Variants in RIC3 observed in about 807,000 individuals in gnomAD.
The protein encoded by RIC3 is protein RIC-3.
Under a neutral mutation model 27.3 loss-of-function variants are expected in RIC3, and 28 were observed. The ratio of observed to expected loss-of-function variants is 1.02; its 90% CI spans 0.76 to 1.41. RIC3 has a LOEUF of 1.41. Among genes scored for constraint, RIC3 ranks in the 40% most tolerant of loss-of-function variants. The pLI is 0.00. For missense variants in RIC3, 501 were observed against 444.7 expected (o/e 1.13, Z -1.14); for synonymous variants, 184 against 160.4 (o/e 1.15, Z -1.11).
intron 5 of RIC3, among the ~76,000 whole-genome samples, chr11:8,125,855 A>G (rs1371140137): frequency 1.3e-5 from 2 of 152,146 alleles, no homozygotes; most frequent in Non-Finnish European, 2.9e-5. Context: ...CCTGGCCAAC[A>G]TGGTGAAACT....
At chr11:8,156,293 G>A (rs1463835879) in intron 1 of RIC3, among the ~76,000 whole-genome samples, 3 of 152,220 alleles carry the variant, frequency 2.0e-5, no homozygotes, top group Non-Finnish European at 4.4e-5. Flanking sequence ...GAAGTGGAAT[G>A]AGTGCCACCT....
At chr11:8,160,937 G>A (rs1382962475) in intron 1 of RIC3, among the ~76,000 whole-genome samples, 1 of 152,196 alleles carries the variant, frequency 6.6e-6, no homozygotes, top group Non-Finnish European at 1.5e-5. Flanking sequence ...AAAAGTATCT[G>A]GGACAGGCCT....
downstream of RIC3, chr11:8,104,717 T>C (rs1329738527): frequency 1.3e-5 from 2 of 152,154 alleles, no homozygotes; most frequent in African/African-American, 2.4e-5. Context: ...AACTGGTATG[T>C]TGCACGTATG....
Position 8,137,582 on chromosome 11 carries a change from T to C in RIC3, c.428-111A>G, listed in dbSNP as rs116754913. ...TACTGTCTAACTTCCCATTACTATC[T>C]CATTGAAGAACACCGCAGTTTTATT... On this transcript the variant is annotated intron_variant, in intron 3 of 5. Coordinates refer to ENST00000309737, the MANE Select transcript of RIC3 (RefSeq NM_001206671.4). 1,291 of 669,384 alleles carry C rather than the reference T, an allele frequency of 1.9e-3. 18 individuals are homozygous for C. In the African/African-American group the frequency reaches 0.02, roughly 10 times the overall value. The allele number at this position is 669,384 out of a possible 1,614,324, so 41.5% of individuals were successfully genotyped here.
At chr11:8,131,875 T>G (rs1329533371) in intron 4 of RIC3, among the ~76,000 whole-genome samples, 2 of 118,506 alleles carry the variant, frequency 1.7e-5, no homozygotes, top group Non-Finnish European at 3.2e-5. Context: ...CACTGCAGCC[T>G]GGGTGACAGA....
chr11:8,167,640 T>TAAAAA lies in RIC3; in HGVS notation c.124+1221_124+1225dup, dbSNP rs34530108. ...CAAGATAATTCACCATAATGGAAAGTAAAAAAAAAAAAAAAAAAGTTTTCG... is the reference window on the plus strand; with the variant it reads ...CAAGATAATTCACCATAATGGAAAGTAAAAAAAAAAAAAAAAAAAAAAAGTTTTCG... On this transcript the variant is annotated intron_variant, in intron 1 of 5. Transcript: ENST00000309737. Among the ~76,000 whole-genome samples the TAAAAA allele has an allele frequency of 1.3e-4, 17 of 134,126 alleles. 1 individual carries two copies. The South Asian group carries it at 3.9e-3, about 31-fold the overall frequency. 88.0% of individuals were successfully genotyped at this position (134,126 alleles called of 152,430 possible).
the RIC3 span, chr11:8,097,315 G>GC: frequency 1.9e-6 from 3 of 1,613,976 alleles, no homozygotes; most frequent in African/African-American, 1.3e-5. Context: ...ACTGAGGCCG[G>GC]CCCCCCAGGG....
chr11:8,105,648 C>T (rs926407191), downstream of RIC3: 1 of 152,044 alleles, frequency 6.6e-6, no homozygotes, highest in Non-Finnish European at 1.5e-5. Context: ...CAAAGCTTGC[C>T]GTAGGATTTG....
the RIC3 span, chr11:8,096,748 C>T: frequency 1.2e-6 from 2 of 1,614,124 alleles, no homozygotes; most frequent in Non-Finnish European, 1.7e-6. Context: ...AGCTCCAGCT[C>T]CTCCCAGCTA....
intron 5 of RIC3, among the ~76,000 whole-genome samples, chr11:8,123,809 C>G (rs989288940): frequency 4.0e-5 from 6 of 151,674 alleles, no homozygotes; most frequent in Admixed American, 2.0e-4. Context: ...GAGGCCAAGA[C>G]CAGAAGATTG....
At chr11:8,097,556 G>T in the RIC3 span, 48 of 1,377,418 alleles carry the variant, frequency 3.5e-5, no homozygotes, top group Non-Finnish European at 4.7e-5. Flanking sequence ...CTTCGTGTCT[G>T]GTCTGTGCAC....
rs912014405 is a variant in RIC3 at position 8,108,127 on chromosome 11, G to A, written c.*2571C>T. ...AACCAACCAAGAGCTAGGGCAGGAAGAACCACCATAAGGGCTTAGTACTTC... is the reference window on the plus strand; with the variant it reads ...AACCAACCAAGAGCTAGGGCAGGAAAAACCACCATAAGGGCTTAGTACTTC... On this transcript the variant is annotated 3_prime_UTR_variant, in exon 6 of 6. Coordinates refer to ENST00000309737, the MANE Select transcript of RIC3 (RefSeq NM_001206671.4). The A allele has an allele frequency of 1.3e-5, 2 of 152,212 alleles. 1 individual carries two copies. The highest frequency in any genetic ancestry group is 1.3e-4 in the Admixed American group (2 of 15,278). The allele number at this position is 152,212 out of a possible 1,614,324, so 9.4% of individuals were successfully genotyped here.
At chr11:8,130,045 C>T (rs1947499238) in intron 4 of RIC3, among the ~76,000 whole-genome samples, 1 of 152,340 alleles carries the variant, frequency 6.6e-6, no homozygotes, top group South Asian at 2.1e-4. Flanking sequence ...TCCAGTTTGG[C>T]TGTAAATCTC....
chr11:8,126,935 T>C (rs182366797), intron 4 of RIC3, 128 bp from the exon 5 acceptor site: 7 of 1,075,694 alleles, frequency 6.5e-6, no homozygotes, highest in South Asian at 2.7e-5. Flanking sequence ...ATTCTAGGAA[T>C]TGATCCTCCA....
chr11:8,126,937 G>T, intron 4 of RIC3, 130 bp from the exon 5 acceptor site: 1 of 1,062,452 alleles, frequency 9.4e-7, no homozygotes, highest in Non-Finnish European at 1.4e-6. Flanking sequence ...TCTAGGAATT[G>T]ATCCTCCAAC....
chr11:8,095,618 G>A, the RIC3 span: 4 of 1,611,494 alleles, frequency 2.5e-6, no homozygotes, highest in African/African-American at 1.3e-5. Context: ...GCTGGTGGGG[G>A]CGAACGGCCC....
At chr11:8,115,178 G>A (rs866787692) in intron 5 of RIC3, among the ~76,000 whole-genome samples, 2 of 152,060 alleles carry the variant, frequency 1.3e-5, no homozygotes, top group Admixed American at 6.6e-5. Context: ...AGACAGAGAG[G>A]ATGCTGGAAG....
the RIC3 span, chr11:8,095,662 A>G: frequency 6.3e-7 from 1 of 1,596,946 alleles, no homozygotes; most frequent in Non-Finnish European, 8.5e-7. Context: ...GATGCAGAGG[A>G]AGGGTGAGCC....
rs1944959747 is a variant in RIC3 at position 8,108,971 on chromosome 11, T to G, written c.*1727A>C. On this transcript the variant is annotated 3_prime_UTR_variant, in exon 6 of 6. Transcript: ENST00000309737. ...TCTAAACAGTAAAGAGCACCTGTTA[T>G]TTTTCACCTTTCGTGTACAATACAT... 6.6e-6 allele frequency: 1 copy of G among 152,244 alleles called. No individual in the cohort carries two copies. The highest frequency in any genetic ancestry group is 1.5e-5 in the Non-Finnish European group (1 of 68,046). The allele number at this position is 152,244 out of a possible 1,614,324, so 9.4% of individuals were successfully genotyped here.
Sources: gnomAD v4.1 joint callset for allele counts (sites outside exome capture counted in the v4.1 genomes callset) on GRCh38, gnomAD v4.1.1 for gene constraint, MANE v1.5 for transcripts, NCBI Gene and HGNC (gene_info 2026-07-23, HGNC 2026-07-21) for gene names.